The following INTS1 variants were observed in gnomAD, a reference collection of about 807,000 sequenced individuals.
The protein encoded by INTS1 is integrator complex subunit 1.
A neutral mutation model predicts 241.6 loss-of-function variants in INTS1; 137 were observed. That is an observed-to-expected ratio of 0.57 (90% CI 0.49 to 0.65). The LOEUF is 0.65. Ranked by LOEUF, INTS1 falls within the 30% of genes least tolerant of loss-of-function variation. The pLI, the probability that INTS1 is intolerant of heterozygous loss-of-function variation, is 0.00. For missense variants in INTS1, 3,073 were observed against 3,032.2 expected, an observed-to-expected ratio of 1.01 and a Z score of -0.32; for synonymous variants, 1,692 against 1,337.8, an observed-to-expected ratio of 1.26 and a Z score of -5.78.
rs768084531 is a variant in INTS1, at chr7:1,479,423, C to T, written c.4329+7G>A. On this transcript the variant is annotated splice_region_variant and intron_variant, in intron 31 of 47. Transcript: ENST00000404767. Reference sequence around the variant, plus strand: ...TCCTCCCCCGCAAGAGGCCCACGCCCAAGTACCTGGTACTGGCAGAGCTGG... The same window carrying T: ...TCCTCCCCCGCAAGAGGCCCACGCCTAAGTACCTGGTACTGGCAGAGCTGG... 40 of 1,570,960 alleles carry T rather than the reference C, an allele frequency of 2.5e-5. No individual in the cohort carries two copies. The highest frequency in any genetic ancestry group is 3.2e-5 in the Non-Finnish European group (37 of 1,159,094).
chr7:1,487,741 G>A lies in INTS1; in HGVS notation c.2516+19C>T, dbSNP rs1295417388. 3.7e-6 allele frequency: 6 copies of A among 1,604,438 alleles called. No individual in the cohort carries two copies. Among genetic ancestry groups the A allele is most frequent in the Middle Eastern group, 1.7e-4 (1 of 5,980 alleles). ...GGTCCCGACGGCAGGCGCAGGGCGG[G>A]GCTGTGTGGGCTGCGTACTGGGGGT... On this transcript the variant is annotated intron_variant, in intron 19 of 47. Coordinates refer to ENST00000404767, the MANE Select transcript of INTS1 (RefSeq NM_001080453.3).
At position 1,477,541 on chromosome 7, in the gene INTS1, G is replaced by A; in HGVS notation, c.4938+9C>T. The A allele has an allele frequency of 6.6e-7, 1 of 1,506,372 alleles. No individual in the cohort carries two copies. Among genetic ancestry groups the A allele is most frequent in the South Asian group, 1.3e-5 (1 of 75,022 alleles). The allele number at this position is 1,506,372 out of a possible 1,614,324, so 93.3% of individuals were successfully genotyped here. On this transcript the variant is annotated intron_variant, in intron 35 of 47. Coordinates refer to ENST00000404767, the MANE Select transcript of INTS1 (RefSeq NM_001080453.3). ...GTGGGTCCCCGTGCTGAAGCTGGGT[G>A]CCACCCACCTTCCTCCGGGAGAAGA... is the stretch of plus-strand genomic sequence containing the variant.
chr7:1,474,628 T>C (rs568462824), intron 40 of INTS1, 77 bp downstream of exon 40: 6 of 1,478,352 alleles, frequency 4.1e-6, no homozygotes, highest in Admixed American at 2.3e-5. Context: ...GTTTTGCTCT[T>C]GTTGCCCAGG....
chr7:1,482,438 G>T (rs563504905), intron 27 of INTS1, 108 bp downstream of exon 27: 2 of 1,146,482 alleles, frequency 1.7e-6, no homozygotes, highest in African/African-American at 1.6e-5. Flanking sequence ...TACCCGGCCA[G>T]TCTTCTCCTC....
Position 1,493,804 on chromosome 7 carries a change from A to G in INTS1, c.2018T>C (p.Met673Thr), listed in dbSNP as rs1329053496. ...CTTCACCAGGTGGTCAGCAAGCTCC[A>G]TGGCGTCCGCAGGCCCGAGCGGGAG... is the stretch of plus-strand genomic sequence containing the variant. Reference protein sequence around the residue: ...RELPLGPADAMELADHLVKRA... With the variant: ...RELPLGPADATELADHLVKRA... The change falls in exon 15 of 48, where the codon ATG (methionine) becomes ACG (threonine). Residue 673 changes from methionine to threonine, a missense_variant. Coordinates refer to ENST00000404767, the MANE Select transcript of INTS1 (RefSeq NM_001080453.3). The surrounding 1 kb of genome is among the most constrained non-coding windows in gnomAD (Gnocchi z 5.3). 6.3e-7 allele frequency: 1 copy of G among 1,577,686 alleles called. No homozygotes were observed. Among genetic ancestry groups the G allele is most frequent in the East Asian group, 2.3e-5 (1 of 42,570 alleles).
chr7:1,504,177 G>A (rs1783350177), intron 1 of INTS1, 146 bp downstream of exon 1: 2 of 536,526 alleles, frequency 3.7e-6, no homozygotes, highest in Non-Finnish European at 3.2e-6. Flanking sequence ...GCCCGGGAGC[G>A]GCTCAGTCGG....
chr7:1,498,946 CCGCCCACCCCCCCGGGGCG>C lies in INTS1; in HGVS notation c.1137+10_1137+28del. On this transcript the variant is annotated intron_variant, in intron 8 of 47. Transcript: ENST00000404767. ...ACAGAGCCTGCCCCCACCCCCTGCC[CCGCCCACCCCCCCGGGGCG>C]CCCCCGCACCTTGGGGTTCTGCAGC... 8.4e-7 allele frequency: 1 copy of C among 1,194,112 alleles called. No homozygotes were observed. Among genetic ancestry groups the C allele is most frequent in the Non-Finnish European group, 1.2e-6 (1 of 849,810 alleles). The allele number at this position is 1,194,112 out of a possible 1,614,324, so 74.0% of individuals were successfully genotyped here. A position where few individuals can be genotyped will look rare whatever the true frequency, so the allele number is the denominator to read the frequency against.
At chr7:1,472,525 A>G in intron 43 of INTS1, 139 bp from the exon 44 acceptor site, 1 of 587,456 alleles carries the variant, frequency 1.7e-6, no homozygotes, top group Non-Finnish European at 3.0e-6. Context: ...CGCTCCACAA[A>G]TGGGGTGGAG....
Position 1,486,975 on chromosome 7 carries a change from C to G in INTS1, c.2773G>C (p.Gly925Arg). Residue 925 changes from glycine (G) to arginine (R), a missense_variant, in exon 21 of 48, where the codon GGG becomes CGG. Gly to Arg is a moderately radical substitution (Grantham distance 125). Transcript: ENST00000404767. ...CTCTCGCCCTCGTCGTCCTCCTCCC[C>G]GGAAGCAGCATCGTCCACAGCATCG... ...LHDAVDDAAS[G>R]EEDDEGESKE... 6.2e-7 allele frequency: 1 copy of G among 1,608,150 alleles called. No individual in the cohort carries two copies. Among genetic ancestry groups the G allele is most frequent in the Non-Finnish European group, 8.5e-7 (1 of 1,179,262 alleles).
chr7:1,494,744 C>T (rs1054341788), intron 14 of INTS1, 72 bp downstream of exon 14: 5 of 1,469,700 alleles, frequency 3.4e-6, no homozygotes, highest in Admixed American at 2.0e-5. Context: ...GCCCTTCCTG[C>T]CGCAGCCGGC....
chr7:1,492,627 T>C (rs1428604762), intron 16 of INTS1, among the ~76,000 whole-genome samples: 1 of 152,258 alleles, frequency 6.6e-6, no homozygotes, highest in East Asian at 1.9e-4. Context: ...ATAAACTCGT[T>C]GTGTAAAAAA....
chr7:1,494,657 G>A, intron 14 of INTS1, 159 bp downstream of exon 14: 2 of 716,368 alleles, frequency 2.8e-6, no homozygotes, highest in South Asian at 3.4e-5. Context: ...GGGAGTGGGA[G>A]AAGGGTGGCA....
rs545871067 is a variant in INTS1 at position 1,470,972 on chromosome 7, C to A, written c.6348-17G>T. 5.8e-5 allele frequency: 90 copies of A among 1,545,982 alleles called. 3 individuals are homozygous for A. In the Middle Eastern group the frequency reaches 1.0e-3, roughly 17 times the overall value. ...GCTGCAATGCTGAAAGACCCACACA[C>A]TTCAGTGGGAACCTCCACCCTGTGC... On this transcript the variant is annotated splice_polypyrimidine_tract_variant and intron_variant, in intron 46 of 47. Coordinates refer to ENST00000404767, the MANE Select transcript of INTS1 (RefSeq NM_001080453.3).
In INTS1 at chr7:1,474,728, C is replaced by T. The variant is rs116121226; in HGVS notation, c.5613G>A (p.Val1871=). 8,112 of 1,562,014 alleles carry T rather than the reference C, an allele frequency of 5.2e-3. 358 individuals are homozygous for T. The African/African-American group carries it at 0.097, about 19-fold the overall frequency. Reference sequence around the variant, plus strand: ...ACCTGAGCAGCAGCAGCGGGTGCGCCACCGCCAGCTTCCGGCAGGCCATGC... The same window carrying T: ...ACCTGAGCAGCAGCAGCGGGTGCGCTACCGCCAGCTTCCGGCAGGCCATGC... ...DASMACRKLA[V]AHPLLLLRHL... is the part of the protein sequence containing the mutation. Residue 1871 remains valine (V), a synonymous_variant, in exon 40 of 48, where the codon GTG becomes GTA. Transcript: ENST00000404767.
rs1782917931 is a variant in INTS1 at position 1,497,434 on chromosome 7, TG to T, written c.1426-121del. The T allele has an allele frequency of 1.6e-5, 17 of 1,076,442 alleles. No individual in the cohort carries two copies. The South Asian group carries it at 2.7e-4, about 17-fold the overall frequency. 66.7% of individuals were successfully genotyped at this position (1,076,442 alleles called of 1,614,324 possible). On this transcript the variant is annotated intron_variant, in intron 10 of 47. Coordinates refer to ENST00000404767, the MANE Select transcript of INTS1 (RefSeq NM_001080453.3). This position sits in a 1 kb window ranked among gnomAD's most constrained non-coding sequence, Gnocchi z 5.3. The stretch of plus-strand genomic sequence containing the variant: ...GCGCTGCAGTGGGTCTCAGACAGTG[TG>T]GGGTGCGGGGTGGCGGGCTCCTTGC...
In INTS1 at chr7:1,493,165, A is replaced by G; in HGVS notation, c.2069-59T>C. On this transcript the variant is annotated intron_variant, in intron 15 of 47. Coordinates refer to ENST00000404767, the MANE Select transcript of INTS1 (RefSeq NM_001080453.3). The surrounding 1 kb of genome is among the most constrained non-coding windows in gnomAD (Gnocchi z 5.3). ...TGCTCACAGACCATCAGGCACAGGC[A>G]GCGAGGGAACCGGCCCTGCTCGGGC... The G allele has an allele frequency of 7.2e-7, 1 of 1,380,640 alleles. No individual in the cohort carries two copies. Among genetic ancestry groups the G allele is most frequent in the East Asian group, 2.6e-5 (1 of 38,898 alleles). The allele number at this position is 1,380,640 out of a possible 1,614,324, so 85.5% of individuals were successfully genotyped here. A position where few individuals can be genotyped will look rare whatever the true frequency, so the allele number is the denominator to read the frequency against.
In INTS1 at chr7:1,504,332, A is replaced by C; in HGVS notation, c.-51T>G. 3.9e-6 allele frequency: 2 copies of C among 516,784 alleles called. No individual in the cohort carries two copies. The highest frequency in any genetic ancestry group is 5.4e-5 in the East Asian group (1 of 18,470). The allele number at this position is 516,784 out of a possible 1,614,324, so 32.0% of individuals were successfully genotyped here. A position where few individuals can be genotyped will look rare whatever the true frequency, so the allele number is the denominator to read the frequency against. The stretch of plus-strand genomic sequence containing the variant: ...GCCGCGGCTCACTTACCTCTGGCCC[A>C]TCGCGACCGGAGCGCCGCCGCCGCC... On this transcript the variant is annotated 5_prime_UTR_variant, in exon 1 of 48. The change abolishes an upstream ATG in the 5' untranslated region. Transcript: ENST00000404767.
intron 45 of INTS1, 44 bp from the exon 46 acceptor site, chr7:1,471,268 C>T (rs755341002): frequency 1.3e-6 from 2 of 1,530,052 alleles, no homozygotes; most frequent in East Asian, 4.9e-5. Context: ...AGGGGTCCAG[C>T]CCCCATCAAG....
Position 1,493,195 on chromosome 7 carries a change from T to A in INTS1, c.2069-89A>T. ...GGGAACCGGCCCTGCTCGGGCCGCG[T>A]CGGGGTGGGGTGGGGGATGCCGCAG... On this transcript the variant is annotated intron_variant, in intron 15 of 47. Transcript: ENST00000404767. The surrounding 1 kb of genome is among the most constrained non-coding windows in gnomAD (Gnocchi z 5.3). The A allele has an allele frequency of 2.8e-6, 2 of 723,346 alleles. No individual in the cohort carries two copies. The highest frequency in any genetic ancestry group is 4.7e-5 in the East Asian group (1 of 21,168). The allele number at this position is 723,346 out of a possible 1,614,324, so 44.8% of individuals were successfully genotyped here.
Sources: gnomAD v4.1 joint callset for allele counts (sites outside exome capture counted in the v4.1 genomes callset) on GRCh38, gnomAD v4.1.1 for gene constraint, Gnocchi (gnomAD v3.1) non-coding constraint, MANE v1.5 for transcripts, NCBI Gene and HGNC (gene_info 2026-07-23, HGNC 2026-07-21) for gene names.